The following EIF3I variants were observed in gnomAD, a reference collection of about 807,000 sequenced individuals.
EIF3I encodes the protein TGF-beta receptor-interacting protein 1.
Under a neutral mutation model 43.3 loss-of-function variants are expected in EIF3I, and 20 were observed. The observed-to-expected ratio is 0.46, with a 90% CI of 0.32 to 0.67. The LOEUF (loss-of-function observed/expected upper bound fraction) is 0.67, where lower values mean the gene tolerates loss of function less well. Among genes scored for constraint, EIF3I ranks in the 30% least tolerant of loss-of-function variants. The pLI is 0.03. For synonymous variants in EIF3I, 167 were observed against 151.7 expected (o/e 1.10, Z -0.74); for missense variants, 279 against 421.4 (o/e 0.66, Z 2.96).
chr1:32,233,175 G>A (rs1353762090), downstream of EIF3I, among the ~76,000 whole-genome samples: 2 of 151,270 alleles, frequency 1.3e-5, no homozygotes, highest in African/African-American at 4.9e-5. Flanking sequence ...ATTTTTTTGA[G>A]ATGGAGTCTT....
At chr1:32,224,536 G>C in intron 4 of EIF3I, 61 bp downstream of exon 4, 10 of 1,247,302 alleles carry the variant, frequency 8.0e-6, no homozygotes, top group Non-Finnish European at 1.2e-5. Context: ...ACCTGTTTGA[G>C]TAAACAGGTC....
chr1:32,231,436 A>T, downstream of EIF3I: 1 of 430,844 alleles, frequency 2.3e-6, no homozygotes, highest in Non-Finnish European at 4.3e-6. Flanking sequence ...GGTTGCAGTG[A>T]GCTGAGATCA....
At chr1:32,227,061 ACCT>A (rs1430674846) in intron 6 of EIF3I, among the ~76,000 whole-genome samples, 4 of 150,662 alleles carry the variant, frequency 2.7e-5, no homozygotes, top group Admixed American at 6.6e-5. Flanking sequence ...TTGAATCCTG[ACCT>A]CCTGACCTCA....
exon 4 of EIF3I, chr1:32,224,471 A>G (rs760361902): frequency 6.2e-7 from 1 of 1,613,280 alleles, no homozygotes; most frequent in Non-Finnish European, 8.5e-7. Flanking sequence ...GGGACTGTGA[A>G]ACAGGTAAGC....
At chr1:32,224,695 CAG>C (rs1639115645) in intron 4 of EIF3I, among the ~76,000 whole-genome samples, 1 of 141,982 alleles carries the variant, frequency 7.0e-6, no homozygotes, top group Non-Finnish European at 1.5e-5. Context: ...ATTTTGGAGA[CAG>C]AGTCTCACTG....
intron 3 of EIF3I, 91 bp downstream of exon 3, chr1:32,224,212 A>C: frequency 7.5e-7 from 1 of 1,329,110 alleles, no homozygotes; most frequent in Non-Finnish European, 1.1e-6. Context: ...GGTGCTGTTG[A>C]GGGCCTAGAG....
chr1:32,232,192 AAGGC>A (rs1639248009), downstream of EIF3I: 1 of 152,180 alleles, frequency 6.6e-6, no homozygotes, highest in Non-Finnish European at 1.5e-5. Flanking sequence ...CATCTGCAGA[AAGGC>A]AGGGAGTGAG....
chr1:32,233,236 C>T (rs1173163537), downstream of EIF3I, among the ~76,000 whole-genome samples: 1 of 152,144 alleles, frequency 6.6e-6, no homozygotes, highest in Non-Finnish European at 1.5e-5. Flanking sequence ...CTTACTGCAA[C>T]CTCTGACTCC....
chr1:32,226,701 G>A (rs1639152158), intron 6 of EIF3I, among the ~76,000 whole-genome samples, 171 bp downstream of exon 6: 1 of 151,360 alleles, frequency 6.6e-6, no homozygotes, highest in South Asian at 2.1e-4. Context: ...CGAGTAGCTG[G>A]GATTACAGGT....
chr1:32,229,494 C>G (rs966058337), intron 9 of EIF3I, among the ~76,000 whole-genome samples: 1 of 151,512 alleles, frequency 6.6e-6, no homozygotes, highest in African/African-American at 2.4e-5. Flanking sequence ...GTGATACGCC[C>G]GCCTCAGCCT....
chr1:32,224,506 A>G (rs569168543), intron 4 of EIF3I, 31 bp downstream of exon 4: 1 of 1,562,636 alleles, frequency 6.4e-7, no homozygotes, highest in South Asian at 1.1e-5. Context: ...TTTTTAGCAA[A>G]TATTGAGGAC....
At chr1:32,223,832 G>A (rs1402050186) in intron 2 of EIF3I, among the ~76,000 whole-genome samples, 3 of 152,290 alleles carry the variant, frequency 2.0e-5, no homozygotes, top group Middle Eastern at 3.4e-3. Context: ...TTTACAAGCC[G>A]CCTGACTCCT....
chr1:32,227,855 C>A (rs1639171050), intron 6 of EIF3I, among the ~76,000 whole-genome samples: 3 of 152,208 alleles, frequency 2.0e-5, no homozygotes, highest in African/African-American at 7.2e-5. Flanking sequence ...GAGTATAATG[C>A]TGAACTCCTA....
rs1639100168 is a variant in EIF3I at position 32,224,175 on chromosome 1, A to G, written c.184+54A>G. 3.2e-6 allele frequency: 5 copies of G among 1,581,956 alleles called. No individual in the cohort carries two copies. In the South Asian group the frequency reaches 5.5e-5, roughly 17 times the overall value. ...TTGCTAGGGTCTGTCAGCGATGGAG[A>G]GGCTGAGTTGGGAGTTGGGAGTTGG... On this transcript the variant is annotated intron_variant, in intron 3 of 11. Coordinates refer to ENST00000676679, the Ensembl canonical transcript of EIF3I.
intron 4 of EIF3I, among the ~76,000 whole-genome samples, chr1:32,225,480 C>T (rs1201231002): frequency 6.6e-6 from 1 of 152,000 alleles, no homozygotes; most frequent in Non-Finnish European, 1.5e-5. Flanking sequence ...TGGTGGCTCA[C>T]GCCTGTAATC....
intron 2 of EIF3I, 47 bp from the exon 3 acceptor site, chr1:32,223,987 A>G (rs1362959390): frequency 6.3e-6 from 10 of 1,583,962 alleles, no homozygotes; most frequent in Non-Finnish European, 6.1e-6. Context: ...ATAGGAAGCC[A>G]TTGCTCTTAC....
intron 8 of EIF3I, 28 bp from the exon 9 acceptor site, chr1:32,229,107 C>T (rs766012759): frequency 6.2e-7 from 1 of 1,600,402 alleles, no homozygotes; most frequent in Admixed American, 1.8e-5. Context: ...GTCCATTGGT[C>T]CCATCTAGAG....
At chr1:32,229,450 G>A (rs1000571877) in intron 9 of EIF3I, among the ~76,000 whole-genome samples, 2 of 151,652 alleles carry the variant, frequency 1.3e-5, no homozygotes, top group Non-Finnish European at 2.9e-5. Flanking sequence ...GGGTTTCACC[G>A]TGTTAGCAAG....
intron 2 of EIF3I, among the ~76,000 whole-genome samples, chr1:32,223,559 A>G (rs1463475705): frequency 6.6e-6 from 1 of 152,168 alleles, no homozygotes; most frequent in African/African-American, 2.4e-5. Flanking sequence ...TGCTAGGATT[A>G]CAGGCATGAG....
Sources: gnomAD v4.1 joint callset for allele counts (sites outside exome capture counted in the v4.1 genomes callset) on GRCh38, gnomAD v4.1.1 for gene constraint, MANE v1.5 for transcripts, NCBI Gene and HGNC (gene_info 2026-07-23, HGNC 2026-07-21) for gene names.